The following CDYL2 variants were observed in gnomAD, a reference collection of about 807,000 sequenced individuals.
The protein encoded by CDYL2 is chromodomain Y-like protein 2.
Under a neutral mutation model 49.4 loss-of-function variants are expected in CDYL2, and 23 were observed. The observed-to-expected ratio is 0.47, with a 90% CI of 0.34 to 0.66. The LOEUF (loss-of-function observed/expected upper bound fraction) is 0.66, where lower values mean the gene tolerates loss of function less well. Ranked by LOEUF, CDYL2 falls within the 30% of genes least tolerant of loss-of-function variation. CDYL2 has a pLI of 0.01. For synonymous variants in CDYL2, 360 were observed against 268.8 expected (o/e 1.34, Z -3.32); for missense variants, 678 against 656.4 (o/e 1.03, Z -0.36).
At chr16:80,683,492 T>C (rs1291071746) in intron 2 of CDYL2, among the ~76,000 whole-genome samples, 1 of 152,188 alleles carries the variant, frequency 6.6e-6, no homozygotes, top group Admixed American at 6.5e-5. Flanking sequence ...TACAGAGACT[T>C]TGGAAAAAGG....
At chr16:80,757,124 G>T (rs1906338042) in intron 1 of CDYL2, among the ~76,000 whole-genome samples, 1 of 152,022 alleles carries the variant, frequency 6.6e-6, no homozygotes, top group Admixed American at 6.6e-5. Flanking sequence ...TCAATTACCA[G>T]GACAGACAGA....
chr16:80,639,410 T>C (rs141379129), intron 2 of CDYL2, among the ~76,000 whole-genome samples: 6,028 of 152,294 alleles, frequency 0.04, 134 homozygotes, highest in Non-Finnish European at 0.047. Context: ...CACAAAAAAC[T>C]GCAGCTTTAT....
intron 1 of CDYL2, among the ~76,000 whole-genome samples, chr16:80,762,560 A>G (rs1393764059): frequency 1.3e-5 from 2 of 152,206 alleles, no homozygotes; most frequent in African/African-American, 4.8e-5. Flanking sequence ...ACTGCTTGGA[A>G]AAGTTGCTGC....
chr16:80,637,816 G>A (rs938310239), intron 2 of CDYL2, among the ~76,000 whole-genome samples: 1 of 152,172 alleles, frequency 6.6e-6, no homozygotes, highest in Non-Finnish European at 1.5e-5. Flanking sequence ...CAATTACCCT[G>A]ATTACCCTGA....
intron 2 of CDYL2, among the ~76,000 whole-genome samples, chr16:80,678,049 G>C (rs1909826660): frequency 1.3e-5 from 2 of 151,918 alleles, no homozygotes; most frequent in Non-Finnish European, 2.9e-5. Context: ...GGGAAAACTG[G>C]CTAGCCATAT....
At chr16:80,684,453 G>T in intron 2 of CDYL2, 85 bp downstream of exon 2, 2 of 1,248,718 alleles carry the variant, frequency 1.6e-6, no homozygotes, top group Non-Finnish European at 2.3e-6. Context: ...GGAGGTGGGG[G>T]TCTTATGTAT....
At chr16:80,710,928 T>C (rs909492808) in intron 1 of CDYL2, among the ~76,000 whole-genome samples, 1 of 152,246 alleles carries the variant, frequency 6.6e-6, no homozygotes, top group East Asian at 1.9e-4. Flanking sequence ...GAAATTTTAG[T>C]TTCATGAATA....
At chr16:80,799,651 G>C (rs767297075) in intron 1 of CDYL2, among the ~76,000 whole-genome samples, 2 of 152,164 alleles carry the variant, frequency 1.3e-5, no homozygotes, top group Non-Finnish European at 2.9e-5. Context: ...GCAAGGAGCC[G>C]TATCAACTCC....
At chr16:80,614,477 C>G (rs1906738443) in intron 4 of CDYL2, among the ~76,000 whole-genome samples, 1 of 152,242 alleles carries the variant, frequency 6.6e-6, no homozygotes, top group Admixed American at 6.5e-5. Context: ...AAGACAGCCA[C>G]AGGCTGATGG....
At chr16:80,644,171 CA>C (rs1243594916) in intron 2 of CDYL2, among the ~76,000 whole-genome samples, 12 of 152,346 alleles carry the variant, frequency 7.9e-5, no homozygotes, top group African/African-American at 2.6e-4. Flanking sequence ...ATCTCTAAGG[CA>C]GGGGCAAAAT....
chr16:80,763,962 A>G (rs1906626516), intron 1 of CDYL2, among the ~76,000 whole-genome samples: 1 of 152,144 alleles, frequency 6.6e-6, no homozygotes, highest in South Asian at 2.1e-4. Context: ...TAGAGAGGGA[A>G]AGAGGGGTAT....
chr16:80,742,565 T>A (rs1905779474), intron 1 of CDYL2, among the ~76,000 whole-genome samples: 1 of 150,456 alleles, frequency 6.6e-6, no homozygotes, highest in South Asian at 2.1e-4. Flanking sequence ...GATGAATGAG[T>A]GGATATATAA....
Position 80,604,281 on chromosome 16 carries a change from G to T in CDYL2, c.*107C>A. On this transcript the variant is annotated 3_prime_UTR_variant, in exon 7 of 7. Transcript: ENST00000570137. ...CACGAGGAAATGGACACAACCCTAC[G>T]TATAAAGAGACACCTTGACAAACTC... 8.1e-7 allele frequency: 1 copy of T among 1,235,186 alleles called. No homozygotes were observed. The allele number at this position is 1,235,186 out of a possible 1,614,324, so 76.5% of individuals were successfully genotyped here.
intron 1 of CDYL2, among the ~76,000 whole-genome samples, chr16:80,745,630 T>C (rs1035939184): frequency 3.9e-5 from 6 of 152,206 alleles, no homozygotes; most frequent in African/African-American, 7.2e-5. Flanking sequence ...GTTATAATTA[T>C]TGTTGTTATT....
intron 1 of CDYL2, among the ~76,000 whole-genome samples, chr16:80,802,773 C>G (rs1907965158): frequency 6.6e-6 from 1 of 152,240 alleles, no homozygotes; most frequent in African/African-American, 2.4e-5. Flanking sequence ...TAACGCCAGT[C>G]AGCAAACCCA....
chr16:80,791,382 T>G (rs995413805), intron 1 of CDYL2, among the ~76,000 whole-genome samples: 2 of 152,218 alleles, frequency 1.3e-5, no homozygotes, highest in African/African-American at 2.4e-5. Flanking sequence ...TTTTGAGTCT[T>G]GCACTGTGCT....
chr16:80,701,689 G>C (rs769921544), intron 1 of CDYL2, among the ~76,000 whole-genome samples: 2 of 152,224 alleles, frequency 1.3e-5, no homozygotes, highest in African/African-American at 2.4e-5. Flanking sequence ...TTCTGGATGG[G>C]AAGTCTTCAC....
chr16:80,653,893 G>C (rs1908692112), intron 2 of CDYL2, among the ~76,000 whole-genome samples: 1 of 152,178 alleles, frequency 6.6e-6, no homozygotes, highest in Non-Finnish European at 1.5e-5. Context: ...CCAGGGTCCA[G>C]GCTTTGAGAG....
intron 1 of CDYL2, among the ~76,000 whole-genome samples, chr16:80,751,552 G>A (rs1906137451): frequency 6.6e-6 from 1 of 152,240 alleles, no homozygotes; most frequent in Non-Finnish European, 1.5e-5. Flanking sequence ...AACAAGACTT[G>A]AGGATGGAAA....
Sources: allele counts gnomAD v4.1 joint callset (sites outside exome capture counted in the v4.1 genomes callset), GRCh38; gene constraint gnomAD v4.1.1; transcripts MANE v1.5; gene names NCBI Gene and HGNC (gene_info 2026-07-23, HGNC 2026-07-21).